Variants in TNFRSF10A observed in about 807,000 individuals in gnomAD.
TNFRSF10A encodes the protein tumor necrosis factor receptor superfamily member 10A.
Under a neutral mutation model 42.8 loss-of-function variants are expected in TNFRSF10A, and 44 were observed. The ratio of observed to expected loss-of-function variants is 1.03; its 90% CI spans 0.81 to 1.32. The LOEUF (loss-of-function observed/expected upper bound fraction) is 1.32. Among genes scored for constraint, TNFRSF10A ranks in the 40% most tolerant of loss-of-function variants. The probability of loss-of-function intolerance (pLI) is 0.00; values close to 1 mark genes in which losing one functional copy is unlikely to be tolerated. For synonymous variants in TNFRSF10A, 259 were observed against 234.2 expected, an observed-to-expected ratio of 1.11 and a Z score of -0.97; for missense variants, 680 against 602.0, an observed-to-expected ratio of 1.13 and a Z score of -1.36.
intron 1 of TNFRSF10A, among the ~76,000 whole-genome samples, chr8:23,218,318 A>G (rs1272444711): frequency 1.3e-5 from 2 of 152,008 alleles, no homozygotes; most frequent in Non-Finnish European, 2.9e-5. Context: ...TCGGATTAGC[A>G]TTGTGTTAGG....
chr8:23,225,049 G>C lies in TNFRSF10A; in HGVS notation c.13C>G (p.Pro5Ala), dbSNP rs372908269. MAPP[P>A]ARVHLGAFLA... ...AACGCACCTAGATGTACTCTAGCTGGTGGTGGCGCCATCCTGCCAGGTCAA... is the reference window on the plus strand; with the variant it reads ...AACGCACCTAGATGTACTCTAGCTGCTGGTGGCGCCATCCTGCCAGGTCAA... Residue 5 changes from proline to alanine, a missense_variant, in exon 1 of 10, where the codon CCA becomes GCA. Coordinates refer to ENST00000221132, the MANE Select transcript of TNFRSF10A (RefSeq NM_003844.4). The C allele has an allele frequency of 2.0e-6, 3 of 1,529,808 alleles. No individual in the cohort carries two copies. The highest frequency in any genetic ancestry group is 2.6e-6 in the Non-Finnish European group (3 of 1,138,510). The allele number at this position is 1,529,808 out of a possible 1,614,324, so 94.8% of individuals were successfully genotyped here. A position where few individuals can be genotyped will look rare whatever the true frequency, so the allele number is the denominator to read the frequency against.
chr8:23,205,820 C>G (rs1371421394), intron 2 of TNFRSF10A, among the ~76,000 whole-genome samples: 2 of 149,262 alleles, frequency 1.3e-5, no homozygotes, highest in African/African-American at 4.9e-5. Context: ...AAGCGATTAT[C>G]CTGCCTCAGC....
Position 23,191,824 on chromosome 8 carries a change from T to C in TNFRSF10A, c.1277A>G (p.His426Arg). The C allele has an allele frequency of 1.2e-6, 2 of 1,613,996 alleles. No individual in the cohort carries two copies. The highest frequency in any genetic ancestry group is 1.7e-6 in the Non-Finnish European group (2 of 1,179,966). The change falls in exon 10 of 10, where the codon CAC becomes CGC. Residue 426 changes from histidine (H) to arginine (R), a missense_variant. Transcript: ENST00000221132. ...VNKTGRNASI[H>R]TLLDALERME... Reference sequence around the variant, plus strand: ...CCTCTCCAAGGCATCCAGCAGGGTGTGGATCGAGGCGTTCCGTCCAGTTTT... The same window carrying C: ...CCTCTCCAAGGCATCCAGCAGGGTGCGGATCGAGGCGTTCCGTCCAGTTTT...
chr8:23,199,558 A>C, intron 7 of TNFRSF10A, 110 bp from the exon 8 acceptor site: 1 of 1,351,218 alleles, frequency 7.4e-7, no homozygotes, highest in Non-Finnish European at 1.0e-6. Context: ...AGGTCACTCC[A>C]GGAAGTCCAT....
At chr8:23,211,460 G>A (rs1451013368) in intron 2 of TNFRSF10A, among the ~76,000 whole-genome samples, 1 of 152,122 alleles carries the variant, frequency 6.6e-6, no homozygotes, top group Non-Finnish European at 1.5e-5. Flanking sequence ...TCATTGTTAA[G>A]ATGCCAGGAA....
chr8:23,205,827 C>T (rs1800997161), intron 2 of TNFRSF10A, among the ~76,000 whole-genome samples: 1 of 151,678 alleles, frequency 6.6e-6, no homozygotes, highest in Non-Finnish European at 1.5e-5. Context: ...TATCCTGCCT[C>T]AGCCTCAGCC....
chr8:23,208,307 T>G (rs1801046058), intron 2 of TNFRSF10A, among the ~76,000 whole-genome samples: 1 of 152,206 alleles, frequency 6.6e-6, no homozygotes, highest in Non-Finnish European at 1.5e-5. Context: ...AGAAGAAATT[T>G]CTAGGCAGCA....
intron 8 of TNFRSF10A, among the ~76,000 whole-genome samples, chr8:23,198,649 A>G (rs1800860610): frequency 6.6e-6 from 1 of 152,236 alleles, no homozygotes; most frequent in Non-Finnish European, 1.5e-5. Context: ...AAGCCCTTCA[A>G]TGTCAAATCA....
chr8:23,215,153 G>C (rs1801159403), intron 1 of TNFRSF10A, among the ~76,000 whole-genome samples: 1 of 152,170 alleles, frequency 6.6e-6, no homozygotes, highest in African/African-American at 2.4e-5. Flanking sequence ...AAAGTAAAGG[G>C]TATAGTATAA....
intron 1 of TNFRSF10A, 88 bp downstream of exon 1, chr8:23,224,668 A>G (rs1046053651): frequency 1.4e-6 from 2 of 1,450,754 alleles, no homozygotes; most frequent in Admixed American, 2.4e-5. Flanking sequence ...GACCCGGGCC[A>G]GGCACCCCCG....
At chr8:23,219,743 G>A (rs1801232004) in intron 1 of TNFRSF10A, among the ~76,000 whole-genome samples, 1 of 152,208 alleles carries the variant, frequency 6.6e-6, no homozygotes, top group Non-Finnish European at 1.5e-5. Flanking sequence ...CATCAGGACT[G>A]TCCCCGCTCC....
intron 1 of TNFRSF10A, among the ~76,000 whole-genome samples, chr8:23,214,464 G>A (rs564705777): frequency 7.2e-4 from 108 of 150,162 alleles, no homozygotes; most frequent in Non-Finnish European, 1.4e-3. Flanking sequence ...CTCCAGCCTG[G>A]ACGACAGAGC....
At chr8:23,212,076 A>G in intron 2 of TNFRSF10A, 40 bp downstream of exon 2, 1 of 1,547,994 alleles carries the variant, frequency 6.5e-7, no homozygotes, top group Non-Finnish European at 8.9e-7. Flanking sequence ...GGTAAGGAAA[A>G]GAGAGGTGTA....
At chr8:23,202,788 A>G (rs777625234) in intron 2 of TNFRSF10A, 27 bp from the exon 3 acceptor site, 25 of 1,521,164 alleles carry the variant, frequency 1.6e-5, no homozygotes, top group Non-Finnish European at 2.1e-5. Flanking sequence ...AAGCCAATGA[A>G]TGAATTGCCA....
intron 2 of TNFRSF10A, among the ~76,000 whole-genome samples, chr8:23,208,532 C>T (rs1336026340): frequency 6.6e-6 from 1 of 152,190 alleles, no homozygotes; most frequent in African/African-American, 2.4e-5. Context: ...TCTCGGCTCA[C>T]TGCAAGTCCG....
In TNFRSF10A at chr8:23,200,067, CG is replaced by C; in HGVS notation, c.800-151del. ...GGATCCACATGAGGCCCTGCTAACT[CG>C]GGAGATCCTTCAGGAGCGGGGAGCA... is the stretch of plus-strand genomic sequence containing the variant. On this transcript the variant is annotated intron_variant, in intron 6 of 9. Transcript: ENST00000221132. The C allele has an allele frequency of 2.2e-6, 2 of 894,498 alleles. 1 individual carries two copies. The highest frequency in any genetic ancestry group is 3.0e-5 in the South Asian group (2 of 66,078). 55.4% of individuals were successfully genotyped at this position (894,498 alleles called of 1,614,324 possible). A position where few individuals can be genotyped will look rare whatever the true frequency, so the allele number is the denominator to read the frequency against.
chr8:23,200,405 G>T, intron 6 of TNFRSF10A, 100 bp downstream of exon 6: 1 of 1,331,270 alleles, frequency 7.5e-7, no homozygotes, highest in Non-Finnish European at 1.1e-6. Flanking sequence ...CCCGGCCAGA[G>T]ACACTAGGAC....
At chr8:23,205,976 A>G (rs1303672760) in intron 2 of TNFRSF10A, among the ~76,000 whole-genome samples, 1 of 152,024 alleles carries the variant, frequency 6.6e-6, no homozygotes, top group African/African-American at 2.4e-5. Context: ...TTGGCCTCCC[A>G]AAGTGCTGGG....
chr8:23,222,281 T>C (rs7460036), intron 1 of TNFRSF10A, among the ~76,000 whole-genome samples: 140,592 of 152,206 alleles, frequency 0.92, 66,043 homozygotes, highest in East Asian at 1. Context: ...CTCATGTACC[T>C]AAAAATTCCT....
Sources: allele counts gnomAD v4.1 joint callset (sites outside exome capture counted in the v4.1 genomes callset), GRCh38; gene constraint gnomAD v4.1.1; transcripts MANE v1.5; gene names NCBI Gene and HGNC (gene_info 2026-07-23, HGNC 2026-07-21).